ZBTB20: variants seen among roughly 807,000 people sequenced by gnomAD.
ZBTB20 encodes the protein zinc finger and BTB domain-containing protein 20.
ZBTB20 carries 9 observed loss-of-function variants against 56.9 expected under a neutral mutation model. That is an observed-to-expected ratio of 0.16 (90% CI 0.10 to 0.28). ZBTB20 has a LOEUF of 0.28. Among genes scored for constraint, ZBTB20 ranks in the 10% least tolerant of loss-of-function variants. The probability of loss-of-function intolerance (pLI) is 1.00; values close to 1 mark genes in which losing one functional copy is unlikely to be tolerated. For missense variants in ZBTB20, 655 were observed against 1,003.0 expected, an observed-to-expected ratio of 0.65 and a Z score of 4.69; for synonymous variants, 417 against 420.7, an observed-to-expected ratio of 0.99 and a Z score of 0.11.
At chr3:115,129,738 A>G (rs1650714159) in intron 1 of ZBTB20, among the ~76,000 whole-genome samples, 2 of 152,332 alleles carry the variant, frequency 1.3e-5, no homozygotes, top group South Asian at 4.1e-4. Context: ...ACTTCCCACA[A>G]AATATTCCTG....
intron 6 of ZBTB20, among the ~76,000 whole-genome samples, chr3:114,592,854 C>T (rs60014326): frequency 0.027 from 4,157 of 152,056 alleles, 201 homozygotes; most frequent in African/African-American, 0.096. Context: ...TTTCTACCTG[C>T]CTTGTCTATT....
At chr3:114,352,035 C>T (rs1188468481) in intron 10 of ZBTB20, 157 bp from the exon 11 acceptor site, 1 of 944,498 alleles carries the variant, frequency 1.1e-6, no homozygotes, top group Non-Finnish European at 1.5e-6. Flanking sequence ...GGCATACAAG[C>T]TGTAGGTACG....
intron 5 of ZBTB20, among the ~76,000 whole-genome samples, chr3:114,742,928 T>C (rs571806317): frequency 1.3e-5 from 2 of 152,302 alleles, no homozygotes; most frequent in African/African-American, 4.8e-5. Flanking sequence ...AGTATATCTG[T>C]GCCAATATGT....
chr3:114,413,416 A>G (rs1459105682), intron 7 of ZBTB20, among the ~76,000 whole-genome samples: 1 of 152,178 alleles, frequency 6.6e-6, no homozygotes, highest in Non-Finnish European at 1.5e-5. Flanking sequence ...ACAAAGGTTT[A>G]GCTAAATTCA....
intron 2 of ZBTB20, among the ~76,000 whole-genome samples, chr3:115,000,982 A>T (rs2079222568): frequency 6.6e-6 from 1 of 151,386 alleles, no homozygotes; most frequent in Non-Finnish European, 1.5e-5. Context: ...CATTTAGGTG[A>T]ACTAGCAAAA....
At chr3:115,110,055 CA>C (rs1038071686) in intron 1 of ZBTB20, among the ~76,000 whole-genome samples, 1 of 151,850 alleles carries the variant, frequency 6.6e-6, no homozygotes, top group African/African-American at 2.4e-5. Context: ...ACTAAAAATA[CA>C]AAAAAATTAG....
Position 114,380,388 on chromosome 3 carries a change from C to T in ZBTB20, c.28G>A (p.Ala10Thr). 6.5e-7 allele frequency: 1 copy of T among 1,534,244 alleles called. No individual in the cohort carries two copies. The highest frequency in any genetic ancestry group is 8.7e-7 in the Non-Finnish European group (1 of 1,145,436). The change falls in exon 10 of 12, where the codon GCT (alanine) becomes ACT (threonine). Residue 10 changes from alanine to threonine, a missense_variant. Ala to Thr is a moderately conservative substitution (Grantham distance 58). Transcript: ENST00000675478. MLERKKPKT[A>T]ENQKASEENE... ...TCCTCAGATGCCTTCTGGTTTTCAGCTGTCTTGGGTTTCTTCCTGAAAATA... is the reference window on the plus strand; with the variant it reads ...TCCTCAGATGCCTTCTGGTTTTCAGTTGTCTTGGGTTTCTTCCTGAAAATA...
At chr3:114,813,044 C>A (rs1158401257) in intron 4 of ZBTB20, among the ~76,000 whole-genome samples, 1 of 152,238 alleles carries the variant, frequency 6.6e-6, no homozygotes, top group Admixed American at 6.5e-5. Context: ...TCCCTCCACA[C>A]CTCCTCGCAA....
At chr3:114,964,274 G>T (rs933973007) in intron 3 of ZBTB20, among the ~76,000 whole-genome samples, 1 of 152,076 alleles carries the variant, frequency 6.6e-6, no homozygotes. Flanking sequence ...AATTAGCCAG[G>T]TGTGGTGGAG....
In ZBTB20 at chr3:114,320,694, A is replaced by AATTACAT. The variant is rs1190734111; in HGVS notation, c.*18304_*18310dup. ...TTTTTATATTTTTGGTCTACAGTAG[A>AATTACAT]ATTACATATTAATAATATAATAAAA... On this transcript the variant is annotated 3_prime_UTR_variant, in exon 12 of 12. Transcript: ENST00000675478. The AATTACAT allele has an allele frequency of 6.6e-6, 1 of 152,150 alleles. No individual in the cohort carries two copies. The highest frequency in any genetic ancestry group is 1.5e-5 in the Non-Finnish European group (1 of 68,030). 9.4% of individuals were successfully genotyped at this position (152,150 alleles called of 1,614,324 possible).
chr3:114,778,244 T>TTAATAA (rs370933299), intron 5 of ZBTB20, among the ~76,000 whole-genome samples: 6,040 of 137,824 alleles, frequency 0.044, 163 homozygotes, highest in Middle Eastern at 0.088. Context: ...TTAAAGTATG[T>TTAATAA]TAATAATAAT....
chr3:114,579,691 T>TA (rs1195976218), intron 6 of ZBTB20, among the ~76,000 whole-genome samples: 17 of 150,374 alleles, frequency 1.1e-4, no homozygotes, highest in South Asian at 6.3e-4. Flanking sequence ...TAGTGTCTAA[T>TA]AAAAAAAAGC....
intron 2 of ZBTB20, among the ~76,000 whole-genome samples, chr3:115,013,309 T>C (rs1179113674): frequency 6.6e-6 from 1 of 151,274 alleles, no homozygotes; most frequent in Non-Finnish European, 1.5e-5. Context: ...ATTGACAAAC[T>C]TTTAGACCCA....
chr3:114,661,037 A>C (rs2108075991), intron 6 of ZBTB20, among the ~76,000 whole-genome samples: 1 of 152,230 alleles, frequency 6.6e-6, no homozygotes, highest in South Asian at 2.1e-4. Context: ...AGCAACAGGG[A>C]GCACTTCCCA....
intron 6 of ZBTB20, among the ~76,000 whole-genome samples, chr3:114,602,906 C>G (rs2056871362): frequency 6.6e-6 from 1 of 151,932 alleles, no homozygotes; most frequent in Non-Finnish European, 1.5e-5. Context: ...ATCTCATTCT[C>G]TCTATTTTAT....
At chr3:114,534,347 T>C (rs993910872) in intron 6 of ZBTB20, among the ~76,000 whole-genome samples, 1 of 152,144 alleles carries the variant, frequency 6.6e-6, no homozygotes, top group African/African-American at 2.4e-5. Context: ...TCCTAGTCTC[T>C]GATAAAACAG....
chr3:115,008,860 T>C (rs1052012147), intron 2 of ZBTB20, among the ~76,000 whole-genome samples: 2 of 151,934 alleles, frequency 1.3e-5, no homozygotes, highest in African/African-American at 4.8e-5. Context: ...TTTTAAAAAG[T>C]GAGAGTTCTT....
chr3:114,960,244 C>T (rs1227263566), intron 3 of ZBTB20, among the ~76,000 whole-genome samples: 1 of 152,070 alleles, frequency 6.6e-6, no homozygotes, highest in Admixed American at 6.6e-5. Flanking sequence ...ATTAGAAATA[C>T]ATATTTTCAC....
intron 6 of ZBTB20, among the ~76,000 whole-genome samples, chr3:114,530,453 G>A (rs2047717023): frequency 6.6e-6 from 1 of 152,094 alleles, no homozygotes; most frequent in African/African-American, 2.4e-5. Context: ...TATCATCTAG[G>A]TTTGTGTAAG....
Sources: allele counts gnomAD v4.1 joint callset (sites outside exome capture counted in the v4.1 genomes callset), GRCh38; gene constraint gnomAD v4.1.1; transcripts MANE v1.5; gene names NCBI Gene and HGNC (gene_info 2026-07-23, HGNC 2026-07-21).